MGRN1: variants seen among roughly 807,000 people sequenced by gnomAD.
MGRN1 encodes mahogunin ring finger 1, also known as E3 ubiquitin-protein ligase MGRN1.
A neutral mutation model predicts 69.2 loss-of-function variants in MGRN1; 29 were observed. That is an observed-to-expected ratio of 0.42 (90% CI 0.31 to 0.57). MGRN1 has a LOEUF of 0.57. Among genes scored for constraint, MGRN1 ranks in the 20% least tolerant of loss-of-function variants. The probability of loss-of-function intolerance (pLI) is 0.15; values close to 1 mark genes in which losing one functional copy is unlikely to be tolerated. For synonymous variants in MGRN1, 470 were observed against 344.2 expected (o/e 1.37, Z -4.04); for missense variants, 998 against 796.2 (o/e 1.25, Z -3.05).
In MGRN1 at chr16:4,682,956, C is replaced by T. The variant is rs752649619; in HGVS notation, c.1482+10C>T. On this transcript the variant is annotated intron_variant, in intron 14 of 16. Coordinates refer to ENST00000262370, the MANE Select transcript of MGRN1 (RefSeq NM_015246.4). Reference sequence around the variant, plus strand: ...AAGCAGCTCCCCTGAGGTGAGGCCCCCCCGGGGAAGCTTTGCGCACCCGCC... The same window carrying T: ...AAGCAGCTCCCCTGAGGTGAGGCCCTCCCGGGGAAGCTTTGCGCACCCGCC... The T allele has an allele frequency of 7.0e-5, 109 of 1,549,764 alleles. No homozygotes were observed. The highest frequency in any genetic ancestry group is 8.6e-5 in the Non-Finnish European group (99 of 1,144,670).
intron 16 of MGRN1, among the ~76,000 whole-genome samples, chr16:4,685,839 C>G (rs1029481659): frequency 6.6e-5 from 10 of 152,218 alleles, no homozygotes; most frequent in African/African-American, 2.4e-4. Flanking sequence ...GGCGGCATCA[C>G]TGAACCCTGC....
rs138009263 is a variant in MGRN1, at chr16:4,642,882, G to T, written c.89-7483G>T. Among the ~76,000 whole-genome samples the T allele has an allele frequency of 2.4e-3, 371 of 151,960 alleles. 1 individual carries two copies. Among genetic ancestry groups the T allele is most frequent in the African/African-American group, 8.5e-3 (351 of 41,428 alleles). ...GTTCACTGCAGCCTTGACCTCCCAG[G>T]CTCAAGTGATCCTTCCACCTCAGCC... On this transcript the variant is annotated intron_variant, in intron 1 of 16. Coordinates refer to ENST00000262370, the MANE Select transcript of MGRN1 (RefSeq NM_015246.4).
chr16:4,660,913 G>C (rs1261439479), intron 5 of MGRN1, among the ~76,000 whole-genome samples: 1 of 152,216 alleles, frequency 6.6e-6, no homozygotes, highest in Non-Finnish European at 1.5e-5. Context: ...CCCTCAGACG[G>C]CTGGGAGCTG....
intron 1 of MGRN1, among the ~76,000 whole-genome samples, chr16:4,632,485 C>T (rs958265213): frequency 6.6e-6 from 1 of 151,810 alleles, no homozygotes; most frequent in Admixed American, 6.6e-5. Context: ...GCTCTGCCTC[C>T]CGGGTTCACG....
At chr16:4,656,918 TAAATAAATAAAC>T (rs1184566495) in intron 4 of MGRN1, among the ~76,000 whole-genome samples, 6 of 120,888 alleles carry the variant, frequency 5.0e-5, no homozygotes, top group South Asian at 2.5e-4. Context: ...AATAAATAAA[TAAATAAATAAAC>T]AAACCAACTT....
chr16:4,667,950 G>C (rs1162842457), intron 7 of MGRN1, among the ~76,000 whole-genome samples: 5 of 152,002 alleles, frequency 3.3e-5, no homozygotes, highest in Non-Finnish European at 5.9e-5. Flanking sequence ...ATCTGAACTT[G>C]GCTGATTGGC....
intron 10 of MGRN1, 92 bp downstream of exon 10, chr16:4,673,749 G>T: frequency 6.9e-7 from 1 of 1,449,032 alleles, no homozygotes; most frequent in Non-Finnish European, 9.4e-7. Context: ...CCACAGGTCC[G>T]TTGATGGCTA....
intron 2 of MGRN1, chr16:4,651,047 G>A (rs909259753): frequency 2.0e-5 from 3 of 152,126 alleles, no homozygotes; most frequent in African/African-American, 7.3e-5. Flanking sequence ...AGGCGGAGGT[G>A]GCAGTGAGCC....
Position 4,688,944 on chromosome 16 carries a change from T to C in MGRN1, c.*36T>C, listed in dbSNP as rs2079398900. 1 of 1,514,002 alleles carries C rather than the reference T, an allele frequency of 6.6e-7. No homozygotes were observed. The highest frequency in any genetic ancestry group is 8.9e-7 in the Non-Finnish European group (1 of 1,122,752). The allele number at this position is 1,514,002 out of a possible 1,614,324, so 93.8% of individuals were successfully genotyped here. A position where few individuals can be genotyped will look rare whatever the true frequency, so the allele number is the denominator to read the frequency against. On this transcript the variant is annotated 3_prime_UTR_variant, in exon 17 of 17. Transcript: ENST00000262370. ...GAGCTGGCAGCATGGAGCCCTCGGC[T>C]CCCCAGACTTTGCCGAGGGGCTGCT... is the stretch of plus-strand genomic sequence containing the variant.
intron 16 of MGRN1, chr16:4,686,734 T>C: frequency 9.9e-7 from 1 of 1,008,466 alleles, no homozygotes; most frequent in Non-Finnish European, 1.2e-6. Flanking sequence ...GGGAGAGGCC[T>C]GGGCCTGGCC....
At chr16:4,652,088 G>T in intron 3 of MGRN1, 37 bp downstream of exon 3, 1 of 1,593,952 alleles carries the variant, frequency 6.3e-7, no homozygotes, top group Non-Finnish European at 8.6e-7. Context: ...CTGTGGCTCT[G>T]TGGGGCGCAG....
chr16:4,634,889 G>A (rs1898200048), intron 1 of MGRN1: 1 of 152,216 alleles, frequency 6.6e-6, no homozygotes, highest in Admixed American at 6.6e-5. Flanking sequence ...CCCTGAGGTG[G>A]GCAGAAGGTT....
chr16:4,659,586 C>T (rs1166093848), intron 5 of MGRN1, among the ~76,000 whole-genome samples: 1 of 152,194 alleles, frequency 6.6e-6, no homozygotes, highest in Non-Finnish European at 1.5e-5. Flanking sequence ...CGCCAGGGGG[C>T]CTTTGGTGAG....
intron 5 of MGRN1, 115 bp downstream of exon 5, chr16:4,657,478 C>T (rs1478595574): frequency 2.0e-6 from 2 of 1,005,472 alleles, no homozygotes; most frequent in Non-Finnish European, 3.0e-6. Flanking sequence ...TTCATAAGAC[C>T]TGGGAACGGC....
At chr16:4,638,831 C>G (rs979128793) in intron 1 of MGRN1, among the ~76,000 whole-genome samples, 11 of 152,222 alleles carry the variant, frequency 7.2e-5, no homozygotes, top group African/African-American at 2.2e-4. Flanking sequence ...GGCCTTCCCA[C>G]TCCCCCTTCC....
chr16:4,679,644 TG>T (rs962735384), intron 11 of MGRN1, among the ~76,000 whole-genome samples: 1 of 152,192 alleles, frequency 6.6e-6, no homozygotes, highest in Admixed American at 6.5e-5. Flanking sequence ...ACCGGCTGGC[TG>T]GGGGACTTTG....
chr16:4,641,187 C>G (rs2078148341), intron 1 of MGRN1, among the ~76,000 whole-genome samples: 1 of 152,244 alleles, frequency 6.6e-6, no homozygotes, highest in Non-Finnish European at 1.5e-5. Flanking sequence ...CACGCACACA[C>G]CACATGTGTG....
At chr16:4,642,579 C>G (rs1034586539) in intron 1 of MGRN1, among the ~76,000 whole-genome samples, 1 of 151,996 alleles carries the variant, frequency 6.6e-6, no homozygotes, top group Non-Finnish European at 1.5e-5. Context: ...CCGCCTCGGC[C>G]TCCCAAAGTG....
chr16:4,642,255 C>T (rs927248616), intron 1 of MGRN1, among the ~76,000 whole-genome samples: 9 of 151,802 alleles, frequency 5.9e-5, no homozygotes, highest in East Asian at 1.9e-4. Flanking sequence ...CTCAGCCTCC[C>T]GAGTAGTGGG....
Sources: gnomAD v4.1 joint callset for allele counts (sites outside exome capture counted in the v4.1 genomes callset) on GRCh38, gnomAD v4.1.1 for gene constraint, MANE v1.5 for transcripts, NCBI Gene and HGNC (gene_info 2026-07-23, HGNC 2026-07-21) for gene names.